Variants in DNAH6 observed in about 807,000 individuals in gnomAD.
The protein encoded by DNAH6 is dynein axonemal heavy chain 6.
DNAH6 carries 340 observed loss-of-function variants against 491.4 expected under a neutral mutation model. The observed-to-expected ratio is 0.69, with a 90% CI of 0.63 to 0.76. The LOEUF (loss-of-function observed/expected upper bound fraction) is 0.76, where lower values mean the gene tolerates loss of function less well. DNAH6 is among the 30% of genes least tolerant of loss of function. DNAH6 has a pLI of 0.00. For synonymous variants in DNAH6, 1,603 were observed against 1,686.1 expected, an observed-to-expected ratio of 0.95 and a Z score of 1.21; for missense variants, 4,443 against 4,972.2, an observed-to-expected ratio of 0.89 and a Z score of 3.20.
At chr2:84,687,073 G>C (rs1282337730) in intron 44 of DNAH6, among the ~76,000 whole-genome samples, 1 of 152,152 alleles carries the variant, frequency 6.6e-6, no homozygotes, top group Non-Finnish European at 1.5e-5. Context: ...ACTCTAATTA[G>C]TAGCAAATTT....
At chr2:84,575,906 G>A (rs1682394980) in intron 12 of DNAH6, among the ~76,000 whole-genome samples, 1 of 152,096 alleles carries the variant, frequency 6.6e-6, no homozygotes, top group African/African-American at 2.4e-5. Flanking sequence ...GAAAGAAATC[G>A]TATTTCTCAA....
At chr2:84,634,693 T>C in intron 30 of DNAH6, 52 bp downstream of exon 30, 2 of 1,439,284 alleles carry the variant, frequency 1.4e-6, no homozygotes, top group Non-Finnish European at 1.8e-6. Context: ...AATTTGTCAT[T>C]AACTCACAGA....
chr2:84,466,433 G>A, the DNAH6 span, among the ~76,000 whole-genome samples: 1 of 152,236 alleles, frequency 6.6e-6, no homozygotes, highest in South Asian at 2.1e-4. Flanking sequence ...GAGAAATCAG[G>A]TAGAGAGAAA....
intron 63 of DNAH6, among the ~76,000 whole-genome samples, chr2:84,761,684 C>G (rs1279098152): frequency 6.6e-6 from 1 of 152,030 alleles, no homozygotes; most frequent in Non-Finnish European, 1.5e-5. Context: ...CATGTGAACA[C>G]CATCTTTTCC....
chr2:84,629,402 T>A (rs1688182787), intron 29 of DNAH6, among the ~76,000 whole-genome samples: 1 of 152,230 alleles, frequency 6.6e-6, no homozygotes, highest in African/African-American at 2.4e-5. Context: ...ATGCTCCACA[T>A]CCTTGCCCAT....
At chr2:84,569,942 T>C (rs1489222718) in intron 11 of DNAH6, among the ~76,000 whole-genome samples, 1 of 152,106 alleles carries the variant, frequency 6.6e-6, no homozygotes, top group Admixed American at 6.6e-5. Flanking sequence ...TAGGGTTTTG[T>C]GATTGTATGT....
the DNAH6 span, among the ~76,000 whole-genome samples, chr2:84,493,935 A>T: frequency 3.3e-5 from 5 of 152,256 alleles, no homozygotes; most frequent in African/African-American, 1.2e-4. Flanking sequence ...ACCAAGGCAC[A>T]CAAGGTGTAT....
intron 41 of DNAH6, among the ~76,000 whole-genome samples, chr2:84,679,797 T>G (rs1391087280): frequency 6.6e-6 from 1 of 152,216 alleles, no homozygotes; most frequent in Non-Finnish European, 1.5e-5. Flanking sequence ...CTGATATTGG[T>G]GTATCATCCC....
the DNAH6 span, among the ~76,000 whole-genome samples, chr2:84,511,175 A>C: frequency 6.6e-6 from 1 of 152,158 alleles, no homozygotes; most frequent in East Asian, 1.9e-4. Flanking sequence ...CCAGAGGTGG[A>C]GTCTACAGAG....
rs930339508 is a variant in DNAH6 at position 84,707,597 on chromosome 2, C to A, written c.8929C>A (p.Arg2977=). The change falls in exon 54 of 77, where the codon CGA becomes AGA. Residue 2977 remains arginine, a synonymous_variant. Transcript: ENST00000389394. ...AGCAGCATTAGAAGATGAGCAGGTT[C>A]GATGGGAAGAAAGCATACAGAAGTT... ...LTAALEDEQV[R]WEESIQKFEE... 2 of 1,551,986 alleles carry A rather than the reference C, an allele frequency of 1.3e-6. No individual in the cohort carries two copies. Among genetic ancestry groups the A allele is most frequent in the Non-Finnish European group, 8.7e-7 (1 of 1,147,090 alleles).
chr2:84,523,813 A>G (rs562416088), intron 2 of DNAH6, among the ~76,000 whole-genome samples: 1 of 152,242 alleles, frequency 6.6e-6, no homozygotes, highest in South Asian at 2.1e-4. Context: ...CTGTGGTCTA[A>G]GAGTGTGTTT....
At chr2:84,566,834 C>T (rs1368472538) in intron 11 of DNAH6, among the ~76,000 whole-genome samples, 1 of 151,994 alleles carries the variant, frequency 6.6e-6, no homozygotes, top group Non-Finnish European at 1.5e-5. Context: ...CGCCAAAATA[C>T]ATGTAGAAAT....
chr2:84,461,405 C>A, the DNAH6 span, among the ~76,000 whole-genome samples: 13 of 152,148 alleles, frequency 8.5e-5, no homozygotes, highest in Non-Finnish European at 1.2e-4. Context: ...CAGTTTGGTC[C>A]GGGAACACCC....
intron 52 of DNAH6, among the ~76,000 whole-genome samples, chr2:84,706,512 T>C (rs1696455657): frequency 6.6e-6 from 1 of 152,222 alleles, no homozygotes; most frequent in South Asian, 2.1e-4. Context: ...AGATTTGACC[T>C]GCAGGCCATA....
the DNAH6 span, among the ~76,000 whole-genome samples, chr2:84,484,854 A>G: frequency 0.012 from 1,763 of 152,318 alleles, 30 homozygotes; most frequent in African/African-American, 0.04. Flanking sequence ...TCTACCTGCC[A>G]CAGCACTCCA....
At chr2:84,589,217 C>G (rs1683860105) in intron 16 of DNAH6, among the ~76,000 whole-genome samples, 1 of 152,126 alleles carries the variant, frequency 6.6e-6, no homozygotes, top group South Asian at 2.1e-4. Context: ...AGGAACTGTA[C>G]TTTCTATGTT....
At chr2:84,500,481 T>C in the DNAH6 span, among the ~76,000 whole-genome samples, 1 of 152,240 alleles carries the variant, frequency 6.6e-6, no homozygotes, top group Non-Finnish European at 1.5e-5. Context: ...CAAGTTTTGC[T>C]CTTTTTGCTC....
intron 42 of DNAH6, among the ~76,000 whole-genome samples, chr2:84,682,751 C>T (rs1264731565): frequency 6.6e-6 from 1 of 152,148 alleles, no homozygotes; most frequent in East Asian, 1.9e-4. Context: ...CCGAATCTAA[C>T]CACTCCTCAC....
At chr2:84,516,247 C>T (rs1236894543), upstream of DNAH6, among the ~76,000 whole-genome samples, 1 of 152,196 alleles carries the variant, frequency 6.6e-6, no homozygotes, top group Non-Finnish European at 1.5e-5. Context: ...GAATTAACCA[C>T]CTCCTTTGGC....
Sources: allele counts gnomAD v4.1 joint callset (sites outside exome capture counted in the v4.1 genomes callset), GRCh38; gene constraint gnomAD v4.1.1; transcripts MANE v1.5; gene names NCBI Gene and HGNC (gene_info 2026-07-23, HGNC 2026-07-21).